DLGAP2: variants seen among roughly 807,000 people sequenced by gnomAD.
DLGAP2 encodes DLG associated protein 2.
DLGAP2 carries 26 observed loss-of-function variants against 100.3 expected under a neutral mutation model. The observed-to-expected ratio is 0.26, with a 90% CI of 0.19 to 0.36. The LOEUF is 0.36. DLGAP2 is among the 10% of genes least tolerant of loss of function. The probability of loss-of-function intolerance (pLI) is 1.00; values close to 1 mark genes in which losing one functional copy is unlikely to be tolerated. For synonymous variants in DLGAP2, 886 were observed against 630.1 expected (o/e 1.41, Z -6.08); for missense variants, 1,858 against 1,453.2 (o/e 1.28, Z -4.53).
chr8:1,313,915 C>T (rs1011530042), intron 3 of DLGAP2, among the ~76,000 whole-genome samples: 2 of 152,058 alleles, frequency 1.3e-5, no homozygotes, highest in African/African-American at 2.4e-5. Context: ...AACCACCGCA[C>T]GGTAGCTTTC....
intron 1 of DLGAP2, among the ~76,000 whole-genome samples, chr8:773,736 C>G (rs1821430290): frequency 6.6e-6 from 1 of 152,040 alleles, no homozygotes; most frequent in African/African-American, 2.4e-5. Context: ...TTTTCTTAAT[C>G]CAGTCTATCA....
At chr8:1,354,028 C>G (rs1801793500) in intron 3 of DLGAP2, among the ~76,000 whole-genome samples, 2 of 152,078 alleles carry the variant, frequency 1.3e-5, no homozygotes, top group African/African-American at 4.8e-5. Context: ...GTGGCCAGTG[C>G]TGTTTATAGA....
At position 1,504,632 on chromosome 8, in the gene DLGAP2, G is replaced by A. The variant is rs1584962036; in HGVS notation, c.172+3201G>A. Reference sequence around the variant, plus strand: ...CTTTCAGATTCCACGTGTAAGTGAGGTCACGCGGCACCTGTCTTTCTGTGC... The same window carrying A: ...CTTTCAGATTCCACGTGTAAGTGAGATCACGCGGCACCTGTCTTTCTGTGC... On this transcript the variant is annotated intron_variant, in intron 4 of 14. Coordinates refer to ENST00000637795, the MANE Select transcript of DLGAP2 (RefSeq NM_001346810.2). Among the ~76,000 whole-genome samples, 3 of 152,280 alleles carry A rather than the reference G, an allele frequency of 2.0e-5. No individual in the cohort carries two copies. The East Asian group carries it at 5.8e-4, about 29-fold the overall frequency.
chr8:1,225,901 C>T (rs1798404307), intron 2 of DLGAP2, among the ~76,000 whole-genome samples: 1 of 152,148 alleles, frequency 6.6e-6, no homozygotes, highest in African/African-American at 2.4e-5. Context: ...GTAATGTATG[C>T]ATATATCAAA....
chr8:1,000,912 G>A (rs564494043), intron 2 of DLGAP2, among the ~76,000 whole-genome samples: 1 of 152,186 alleles, frequency 6.6e-6, no homozygotes, highest in African/African-American at 2.4e-5. Context: ...GGTTCCATGC[G>A]GCCTCCGAGA....
intron 8 of DLGAP2, among the ~76,000 whole-genome samples, chr8:1,660,150 A>T (rs1256304995): frequency 6.6e-6 from 1 of 152,206 alleles, no homozygotes; most frequent in East Asian, 1.9e-4. Context: ...AAAATTCTTT[A>T]AGAATGTTGA....
intron 1 of DLGAP2, among the ~76,000 whole-genome samples, chr8:811,041 A>G (rs1258650770): frequency 1.3e-5 from 2 of 152,068 alleles, no homozygotes; most frequent in Non-Finnish European, 2.9e-5. Flanking sequence ...CATCTCCCGG[A>G]CTTTCCTCTT....
At chr8:1,688,700 C>G (rs1402631562) in intron 12 of DLGAP2, among the ~76,000 whole-genome samples, 1 of 152,072 alleles carries the variant, frequency 6.6e-6, no homozygotes, top group South Asian at 2.1e-4. Context: ...AAAAATAAGA[C>G]AAGACAGAAA....
chr8:1,009,657 T>C (rs1335340055), intron 2 of DLGAP2, among the ~76,000 whole-genome samples: 1 of 152,234 alleles, frequency 6.6e-6, no homozygotes, highest in Non-Finnish European at 1.5e-5. Flanking sequence ...AGCTCAATGT[T>C]GGTTTTCATT....
At chr8:1,589,936 C>G (rs1326581891) in intron 6 of DLGAP2, among the ~76,000 whole-genome samples, 5 of 152,184 alleles carry the variant, frequency 3.3e-5, no homozygotes, top group Non-Finnish European at 5.9e-5. Context: ...AAGTACCACA[C>G]ACAGCGTGGC....
intron 3 of DLGAP2, among the ~76,000 whole-genome samples, chr8:1,342,843 C>T (rs73170476): frequency 0.014 from 2,066 of 152,262 alleles, 24 homozygotes; most frequent in Non-Finnish European, 0.024. Context: ...TTCTAAGTTC[C>T]AAGTCACAAT....
chr8:1,244,271 A>G (rs1437346989), intron 2 of DLGAP2, among the ~76,000 whole-genome samples: 2 of 152,244 alleles, frequency 1.3e-5, no homozygotes, highest in African/African-American at 4.8e-5. Context: ...ACTCTGTCAC[A>G]ATGTGGAGGT....
chr8:1,418,195 C>T (rs147244728), intron 3 of DLGAP2, among the ~76,000 whole-genome samples: 4 of 152,150 alleles, frequency 2.6e-5, no homozygotes, highest in East Asian at 3.9e-4. Flanking sequence ...CTTGGGTGGC[C>T]CAAAGAATGA....
chr8:1,160,348 C>G (rs571893467), intron 2 of DLGAP2, among the ~76,000 whole-genome samples: 2 of 152,252 alleles, frequency 1.3e-5, no homozygotes, highest in South Asian at 4.1e-4. Context: ...GAGGATCAGC[C>G]CCGCCCCAAA....
At chr8:1,385,919 C>T (rs1489989546) in intron 3 of DLGAP2, among the ~76,000 whole-genome samples, 16 of 152,098 alleles carry the variant, frequency 1.1e-4, no homozygotes, top group South Asian at 2.1e-4. Flanking sequence ...TACCCTTCTC[C>T]GGGAGCCACG....
At chr8:1,546,382 T>G (rs559328209) in intron 4 of DLGAP2, among the ~76,000 whole-genome samples, 65 of 152,282 alleles carry the variant, frequency 4.3e-4, no homozygotes, top group African/African-American at 1.5e-3. Flanking sequence ...AATCTTTACG[T>G]TCCCTTCTGC....
At chr8:1,020,012 A>G (rs2129024220) in intron 2 of DLGAP2, among the ~76,000 whole-genome samples, 1 of 152,364 alleles carries the variant, frequency 6.6e-6, no homozygotes, top group South Asian at 2.1e-4. Flanking sequence ...AAAGAAGTTA[A>G]GTTGCTTAAC....
intron 2 of DLGAP2, among the ~76,000 whole-genome samples, chr8:1,163,991 A>G (rs1194949102): frequency 2.0e-5 from 3 of 152,164 alleles, no homozygotes; most frequent in African/African-American, 4.8e-5. Flanking sequence ...TCTAAGACTC[A>G]GTGTTCAGGG....
chr8:1,392,257 A>G (rs1796379224), intron 3 of DLGAP2, among the ~76,000 whole-genome samples: 1 of 152,136 alleles, frequency 6.6e-6, no homozygotes, highest in Non-Finnish European at 1.5e-5. Context: ...TCATTCCTCC[A>G]TGAGTCCAGA....
Sources: allele counts gnomAD v4.1 joint callset (sites outside exome capture counted in the v4.1 genomes callset), GRCh38; gene constraint gnomAD v4.1.1; transcripts MANE v1.5; gene names NCBI Gene and HGNC (gene_info 2026-07-23, HGNC 2026-07-21).